MS4A13: variants seen among roughly 807,000 people sequenced by gnomAD.
The protein encoded by MS4A13 is membrane-spanning 4-domains subfamily A member 13.
Under a neutral mutation model 18.4 loss-of-function variants are expected in MS4A13, and 21 were observed. The observed-to-expected ratio is 1.14, with a 90% CI of 0.81 to 1.64. The LOEUF is 1.64. MS4A13 is among the 40% of genes most tolerant of loss of function. MS4A13 has a pLI of 0.00. For synonymous variants in MS4A13, 62 were observed against 57.2 expected (o/e 1.08, Z -0.38); for missense variants, 173 against 176.8 (o/e 0.98, Z 0.12).
At chr11:60,524,994 G>T (rs1342539750) in intron 4 of MS4A13, among the ~76,000 whole-genome samples, 2 of 152,146 alleles carry the variant, frequency 1.3e-5, no homozygotes, top group Non-Finnish European at 2.9e-5. Flanking sequence ...CTAAATGGAA[G>T]ATTAATGATT....
intron 6 of MS4A13, among the ~76,000 whole-genome samples, chr11:60,532,026 C>A (rs1161091876): frequency 1.3e-5 from 2 of 152,122 alleles, no homozygotes; most frequent in Admixed American, 1.3e-4. Flanking sequence ...CAGTTTTCAA[C>A]AACAAAAAGT....
chr11:60,517,926 A>G, intron 2 of MS4A13, 146 bp from the exon 3 acceptor site: 1 of 564,008 alleles, frequency 1.8e-6, no homozygotes, highest in Non-Finnish European at 2.8e-6. Context: ...TTTCTGGGAT[A>G]ACCAATCCAG....
At chr11:60,516,167 C>G (rs1190727044) in intron 2 of MS4A13, 83 bp downstream of exon 2, 3 of 150,774 alleles carry the variant, frequency 2.0e-5, no homozygotes, top group East Asian at 2.0e-4. Flanking sequence ...TAAAGGGGGA[C>G]AGACTTGGTT....
intron 2 of MS4A13, among the ~76,000 whole-genome samples, chr11:60,516,429 C>T (rs2086638014): frequency 6.6e-6 from 1 of 152,214 alleles, no homozygotes; most frequent in African/African-American, 2.4e-5. Flanking sequence ...GTTTAGCTTT[C>T]TTAATGAACA....
intron 2 of MS4A13, among the ~76,000 whole-genome samples, chr11:60,516,856 GAGAT>G (rs2086640942): frequency 6.6e-6 from 1 of 152,140 alleles, no homozygotes; most frequent in Non-Finnish European, 1.5e-5. Context: ...CATTTAAAAA[GAGAT>G]AGTACTTTTC....
intron 6 of MS4A13, among the ~76,000 whole-genome samples, chr11:60,532,217 G>C (rs1269184156): frequency 2.0e-5 from 3 of 152,234 alleles, no homozygotes; most frequent in Non-Finnish European, 4.4e-5. Flanking sequence ...CCCAGCATGA[G>C]CGACGCAGAA....
intron 3 of MS4A13, among the ~76,000 whole-genome samples, chr11:60,521,114 C>G (rs896853558): frequency 6.6e-6 from 1 of 152,234 alleles, no homozygotes; most frequent in Admixed American, 6.5e-5. Context: ...TTCAGGGCAC[C>G]AAGTCCCTAG....
At chr11:60,531,566 T>C (rs867756219) in intron 6 of MS4A13, among the ~76,000 whole-genome samples, 8 of 152,232 alleles carry the variant, frequency 5.3e-5, no homozygotes, top group Middle Eastern at 3.2e-3. Flanking sequence ...GAAGTCTTAC[T>C]GGCTCAAGGT....
At chr11:60,542,311 G>C (rs149975647) in intron 6 of MS4A13, among the ~76,000 whole-genome samples, 1 of 151,014 alleles carries the variant, frequency 6.6e-6, no homozygotes, top group Non-Finnish European at 1.5e-5. Context: ...AGGGAGGAAG[G>C]GAGGAAGGGA....
chr11:60,522,838 T>C (rs2086687000), intron 3 of MS4A13, among the ~76,000 whole-genome samples: 1 of 151,994 alleles, frequency 6.6e-6, no homozygotes, highest in Admixed American at 6.6e-5. Context: ...TCCAACAAAA[T>C]CCAAATAAAT....
At chr11:60,529,638 A>G (rs1771529474) in intron 6 of MS4A13, among the ~76,000 whole-genome samples, 178 bp downstream of exon 6, 1 of 152,172 alleles carries the variant, frequency 6.6e-6, no homozygotes, top group African/African-American at 2.4e-5. Flanking sequence ...TATAACAGTA[A>G]TACATGAAAC....
rs1226655818 is a variant in MS4A13, at chr11:60,525,321, C to T, written c.301C>T (p.Gln101Ter). ...TTCTGTGTCATACAGGAATTATGGA[C>T]AAGCAGTAAGTGACCAATTCTATGG... Reference protein sequence around the residue: ...FNSVSYRNYGQAKLGREVSRI... With the variant: ...FNSVSYRNYG The change falls in exon 5 of 7, where the codon CAA becomes TAA. Residue 101 changes from glutamine (Q) to a stop codon, truncating the protein, a stop_gained. Transcript: ENST00000378186. LOFTEE classifies it high-confidence loss of function. 1.3e-6 allele frequency: 2 copies of T among 1,582,528 alleles called. No individual in the cohort carries two copies. Among genetic ancestry groups the T allele is most frequent in the Non-Finnish European group, 1.7e-6 (2 of 1,159,720 alleles).
In MS4A13 at chr11:60,529,562, A is replaced by T. The variant is rs974907733; in HGVS notation, c.402+102A>T. The T allele has an allele frequency of 5.8e-6, 3 of 518,166 alleles. No individual in the cohort carries two copies. In the East Asian group the frequency reaches 9.9e-5, roughly 17 times the overall value. 32.1% of individuals were successfully genotyped at this position (518,166 alleles called of 1,614,324 possible). On this transcript the variant is annotated intron_variant, in intron 6 of 6. Transcript: ENST00000378186. Reference sequence around the variant, plus strand: ...CACTGATACAAAATATTTAGAACTAATATAAATGGAATGTGTGATATTGCC... The same window carrying T: ...CACTGATACAAAATATTTAGAACTATTATAAATGGAATGTGTGATATTGCC...
chr11:60,529,624 A>C (rs185088850), intron 6 of MS4A13, among the ~76,000 whole-genome samples, 164 bp downstream of exon 6: 3 of 150,792 alleles, frequency 2.0e-5, no homozygotes, highest in Admixed American at 1.3e-4. Context: ...AAATAGCATA[A>C]AATTATAACA....
intron 6 of MS4A13, among the ~76,000 whole-genome samples, chr11:60,541,556 A>G (rs143674999): frequency 6.6e-6 from 1 of 152,214 alleles, no homozygotes; most frequent in Non-Finnish European, 1.5e-5. Flanking sequence ...AAACCAGGTA[A>G]AACTAAAGCT....
chr11:60,516,383 G>A (rs1215452685), intron 2 of MS4A13, among the ~76,000 whole-genome samples: 1 of 152,090 alleles, frequency 6.6e-6, no homozygotes, highest in Non-Finnish European at 1.5e-5. Context: ...TTATAAATTT[G>A]TCTCTTCTAT....
chr11:60,528,043 A>G (rs1225169746), intron 5 of MS4A13, among the ~76,000 whole-genome samples: 2 of 152,114 alleles, frequency 1.3e-5, no homozygotes, highest in Non-Finnish European at 2.9e-5. Context: ...TGTTTATATC[A>G]TATATGAATG....
rs140360188 is a variant in MS4A13, at chr11:60,516,434, T to A, written c.-13+350T>A. Reference sequence around the variant, plus strand: ...TGAAGTTACAGTTTAGCTTTCTTAATGAACACCAAGGAATTATGAGTATCA... The same window carrying A: ...TGAAGTTACAGTTTAGCTTTCTTAAAGAACACCAAGGAATTATGAGTATCA... On this transcript the variant is annotated intron_variant, in intron 2 of 6. Coordinates refer to ENST00000378186, the MANE Select transcript of MS4A13 (RefSeq NM_001012417.3). Among the ~76,000 whole-genome samples the A allele has an allele frequency of 6.7e-3, 1,022 of 152,370 alleles. 6 individuals are homozygous for A. Among genetic ancestry groups the A allele is most frequent in the Middle Eastern group, 0.037 (11 of 294 alleles).
At chr11:60,529,925 G>T (rs1293685700) in intron 6 of MS4A13, among the ~76,000 whole-genome samples, 2 of 152,012 alleles carry the variant, frequency 1.3e-5, no homozygotes, top group Admixed American at 6.6e-5. Flanking sequence ...TATGTAGCTT[G>T]GTTTCCAGTT....
Sources: gnomAD v4.1 joint callset for allele counts (sites outside exome capture counted in the v4.1 genomes callset) on GRCh38, gnomAD v4.1.1 for gene constraint, MANE v1.5 for transcripts, NCBI Gene and HGNC (gene_info 2026-07-23, HGNC 2026-07-21) for gene names.